Variants in ALPK2 observed in about 807,000 individuals in gnomAD.
The protein encoded by ALPK2 is alpha-protein kinase 2.
A neutral mutation model predicts 163.1 loss-of-function variants in ALPK2; 127 were observed. The observed-to-expected ratio is 0.78, with a 90% confidence interval of 0.67 to 0.90. The LOEUF (loss-of-function observed/expected upper bound fraction) is 0.90, where lower values mean the gene tolerates loss of function less well. Among genes scored for constraint, ALPK2 ranks in the 40% least tolerant of loss-of-function variants. The pLI is 0.00. For synonymous variants in ALPK2, 953 were observed against 959.1 expected (o/e 0.99, Z 0.12); for missense variants, 2,360 against 2,589.6 (o/e 0.91, Z 1.92).
chr18:58,493,072 A>C (rs951840959), intron 12 of ALPK2, among the ~76,000 whole-genome samples: 3 of 152,176 alleles, frequency 2.0e-5, no homozygotes, highest in African/African-American at 4.8e-5. Context: ...GGCTGACCGG[A>C]TGAAGATGGG....
At chr18:58,616,364 G>A (rs1034645141) in intron 1 of ALPK2, among the ~76,000 whole-genome samples, 2 of 152,114 alleles carry the variant, frequency 1.3e-5, no homozygotes, top group Admixed American at 6.6e-5. Flanking sequence ...GGACTCTGTG[G>A]TCAAAAGGCC....
intron 4 of ALPK2, among the ~76,000 whole-genome samples, chr18:58,567,628 A>T (rs1405236023): frequency 6.6e-6 from 1 of 152,164 alleles, no homozygotes; most frequent in Non-Finnish European, 1.5e-5. Context: ...TCGGTCTACA[A>T]GAGAATGATG....
chr18:58,551,876 T>G (rs1403148939), intron 4 of ALPK2, among the ~76,000 whole-genome samples: 1 of 152,214 alleles, frequency 6.6e-6, no homozygotes, highest in Non-Finnish European at 1.5e-5. Flanking sequence ...CAGAATGTTC[T>G]GATGAAGACC....
chr18:58,617,957 C>T (rs544559557), intron 1 of ALPK2, among the ~76,000 whole-genome samples: 8 of 152,092 alleles, frequency 5.3e-5, no homozygotes, highest in African/African-American at 1.9e-4. Context: ...CATCCTAGTA[C>T]ATGCTTCCTT....
chr18:58,535,217 G>C lies in ALPK2; in HGVS notation c.4970C>G (p.Ser1657Ter), dbSNP rs777087443. The C allele has an allele frequency of 1.2e-6, 2 of 1,614,050 alleles. No homozygotes were observed. The highest frequency in any genetic ancestry group is 2.2e-5 in the South Asian group (2 of 91,070). ...SSSAKTLAFI[S>*]GERELEKAPK... ...GGCTTTCTCTAACTCACGTTCTCCT[G>C]AAATAAATGCCAAGGTCTTCGCTGA... Residue 1657 changes from serine to a stop codon, truncating the protein, a stop_gained, in exon 5 of 13, where the codon TCA (serine) becomes TGA (stop). Coordinates refer to ENST00000361673, the MANE Select transcript of ALPK2 (RefSeq NM_052947.4). LOFTEE classifies it high-confidence loss of function.
intron 8 of ALPK2, 31 bp from the exon 9 acceptor site, chr18:58,517,213 A>G (rs757914062): frequency 6.2e-7 from 1 of 1,601,760 alleles, no homozygotes; most frequent in Admixed American, 1.7e-5. Context: ...GGTTGGAAAG[A>G]ATACCTCCCA....
intron 3 of ALPK2, among the ~76,000 whole-genome samples, chr18:58,600,200 C>T (rs1327041897): frequency 2.0e-5 from 3 of 151,944 alleles, no homozygotes; most frequent in Non-Finnish European, 1.5e-5. Flanking sequence ...CCATGCTTAG[C>T]TAATTTTTGT....
intron 10 of ALPK2, among the ~76,000 whole-genome samples, chr18:58,507,309 G>C (rs2051466893): frequency 6.6e-6 from 1 of 152,002 alleles, no homozygotes; most frequent in Non-Finnish European, 1.5e-5. Flanking sequence ...AGCTGCCCTG[G>C]GGTAGGGATG....
chr18:58,520,122 G>C (rs2051541953), intron 8 of ALPK2, among the ~76,000 whole-genome samples: 2 of 150,696 alleles, frequency 1.3e-5, no homozygotes, highest in African/African-American at 5.0e-5. Context: ...AGAGGTGGCA[G>C]TTCCATGAGA....
At chr18:58,532,762 A>G (rs1430905600) in intron 5 of ALPK2, among the ~76,000 whole-genome samples, 2 of 152,234 alleles carry the variant, frequency 1.3e-5, no homozygotes, top group Non-Finnish European at 1.5e-5. Context: ...TTGCATTTTT[A>G]TACCTGAGAG....
At chr18:58,521,928 A>G (rs766109282) in intron 8 of ALPK2, among the ~76,000 whole-genome samples, 10 of 151,926 alleles carry the variant, frequency 6.6e-5, no homozygotes, top group Non-Finnish European at 1.0e-4. Flanking sequence ...CGCCTGGCCT[A>G]TTGCTAGACC....
At chr18:58,610,275 C>CAA (rs74183283) in intron 2 of ALPK2, among the ~76,000 whole-genome samples, 11,572 of 60,636 alleles carry the variant, frequency 0.19, 1,028 homozygotes, top group Non-Finnish European at 0.24. Flanking sequence ...GACCCTGTCT[C>CAA]AAAAAAAAAA....
In ALPK2 at chr18:58,517,160, G is replaced by C. The variant is rs530701876; in HGVS notation, c.5688C>G (p.Ser1896Arg). The C allele has an allele frequency of 1.2e-6, 2 of 1,614,030 alleles. No homozygotes were observed. The highest frequency in any genetic ancestry group is 1.3e-5 in the African/African-American group (1 of 75,036). ...DTKGCEEIEF[S>R]QLIFKEDFLH... ...GGAAGTCTTCTTTGAAGATGAGTTG[G>C]CTGAATTCAATCTCTTCACATCCTG... The change falls in exon 9 of 13, where the codon AGC becomes AGG. Residue 1896 changes from serine (S) to arginine (R), a missense_variant. By Grantham distance (110) the Ser-to-Arg change is moderately radical. Coordinates refer to ENST00000361673, the MANE Select transcript of ALPK2 (RefSeq NM_052947.4).
intron 1 of ALPK2, among the ~76,000 whole-genome samples, chr18:58,618,547 C>T (rs540868359): frequency 6.6e-5 from 10 of 152,262 alleles, no homozygotes; most frequent in East Asian, 5.8e-4. Flanking sequence ...ATTCATTTGA[C>T]CATTATGGAA....
intron 3 of ALPK2, among the ~76,000 whole-genome samples, chr18:58,595,746 T>G (rs1361724114): frequency 6.6e-6 from 1 of 152,166 alleles, no homozygotes; most frequent in Non-Finnish European, 1.5e-5. Flanking sequence ...AGGAGTGGGC[T>G]AAGCCTAAGC....
chr18:58,621,157 CA>C (rs76747932), intron 1 of ALPK2, among the ~76,000 whole-genome samples: 2,958 of 76,930 alleles, frequency 0.038, 29 homozygotes, highest in East Asian at 0.11. Context: ...TGTCTCAAAA[CA>C]AAAAAAAAAA....
At chr18:58,566,895 C>T (rs905250620) in intron 4 of ALPK2, among the ~76,000 whole-genome samples, 1 of 152,126 alleles carries the variant, frequency 6.6e-6, no homozygotes, top group African/African-American at 2.4e-5. Context: ...TACAGAAATG[C>T]CTCTAAAAGT....
chr18:58,583,770 G>A (rs2051972341), intron 3 of ALPK2, among the ~76,000 whole-genome samples: 1 of 151,544 alleles, frequency 6.6e-6, no homozygotes, highest in Non-Finnish European at 1.5e-5. Flanking sequence ...AAAGAAAAAG[G>A]CGGGGGGGCT....
intron 9 of ALPK2, among the ~76,000 whole-genome samples, 181 bp downstream of exon 9, chr18:58,516,727 C>T (rs771909627): frequency 1.3e-5 from 2 of 152,046 alleles, no homozygotes; most frequent in Non-Finnish European, 2.9e-5. Context: ...TGGCATAAGG[C>T]CAAGAAATTA....
Sources: allele counts gnomAD v4.1 joint callset (sites outside exome capture counted in the v4.1 genomes callset), GRCh38; gene constraint gnomAD v4.1.1; transcripts MANE v1.5; gene names NCBI Gene and HGNC (gene_info 2026-07-23, HGNC 2026-07-21).